DHX34: variants seen among roughly 807,000 people sequenced by gnomAD.
The protein encoded by DHX34 is probable ATP-dependent RNA helicase DHX34.
In DHX34, 96 loss-of-function variants were observed where a neutral mutation model predicts 111.1. That is an observed-to-expected ratio of 0.86 (90% confidence interval 0.73 to 1.02). The LOEUF (loss-of-function observed/expected upper bound fraction) is 1.02, where lower values mean the gene tolerates loss of function less well. Ranked by LOEUF, DHX34 falls within the 50% of genes least tolerant of loss-of-function variation. The probability of loss-of-function intolerance (pLI) is 0.00; values close to 1 mark genes in which losing one functional copy is unlikely to be tolerated. For missense variants in DHX34, 1,560 were observed against 1,579.9 expected, an observed-to-expected ratio of 0.99 and a Z score of 0.21; for synonymous variants, 688 against 670.4, an observed-to-expected ratio of 1.03 and a Z score of -0.41.
chr19:47,380,992 G>T lies in DHX34; in HGVS notation c.3159G>T (p.Thr1053=), dbSNP rs529752758. The T allele has an allele frequency of 3.2e-6, 5 of 1,570,808 alleles. No homozygotes were observed. In the East Asian group the frequency reaches 9.0e-5, roughly 28 times the overall value. The change falls in exon 15 of 17, where the codon ACG becomes ACT. Residue 1053 remains threonine, a splice_region_variant and synonymous_variant. Coordinates refer to ENST00000328771, the MANE Select transcript of DHX34 (RefSeq NM_014681.6). The part of the protein sequence containing the change: ...VTDFLTYNCL[T]NDTDLYSDCL... ...ACTTCCTCACCTACAACTGCCTCAC[G>T]GTAAGCATGAACCCTCCTTCCCTGA...
chr19:47,371,164 C>G (rs1048933505), intron 7 of DHX34, among the ~76,000 whole-genome samples: 1 of 151,802 alleles, frequency 6.6e-6, no homozygotes, highest in South Asian at 2.1e-4. Flanking sequence ...GAGGCTGGGC[C>G]CAGGAGGCTC....
chr19:47,352,886 G>C lies in DHX34; in HGVS notation c.-145G>C. 1 of 1,432,700 alleles carries C rather than the reference G, an allele frequency of 7.0e-7. No individual in the cohort carries two copies. Among genetic ancestry groups the C allele is most frequent in the East Asian group, 2.5e-5 (1 of 40,004 alleles). The allele number at this position is 1,432,700 out of a possible 1,614,324, so 88.7% of individuals were successfully genotyped here. ...TTATCATCTGTGGTGGTCCTGTGCC[G>C]TGACCAGGAGGAAAAATTAGCTCTT... On this transcript the variant is annotated 5_prime_UTR_variant, in exon 2 of 17. Transcript: ENST00000328771.
At position 47,367,107 on chromosome 19, in the gene DHX34, A is replaced by G. The variant is rs1327282011; in HGVS notation, c.1720A>G (p.Thr574Ala). 6.3e-6 allele frequency: 10 copies of G among 1,593,610 alleles called. No homozygotes were observed. Among genetic ancestry groups the G allele is most frequent in the Non-Finnish European group, 8.5e-6 (10 of 1,169,980 alleles). Residue 574 changes from threonine (T) to alanine (A), a missense_variant, in exon 7 of 17, where the codon ACA (threonine) becomes GCA (alanine). Coordinates refer to ENST00000328771, the MANE Select transcript of DHX34 (RefSeq NM_014681.6). ...QGALDSSEAL[T>A]PIGSLLAQLP... ...GGCCCTGGACAGCTCAGAGGCCCTC[A>G]CACCCATTGGGTCCCTGCTAGCCCA...
At chr19:47,373,110 G>A (rs1191626607) in intron 8 of DHX34, among the ~76,000 whole-genome samples, 187 bp downstream of exon 8, 1 of 152,254 alleles carries the variant, frequency 6.6e-6, no homozygotes, top group Non-Finnish European at 1.5e-5. Context: ...AGGACAGCAT[G>A]TGCCCAGGCC....
intron 7 of DHX34, among the ~76,000 whole-genome samples, chr19:47,372,325 G>A (rs1290721585): frequency 2.6e-5 from 4 of 152,150 alleles, no homozygotes; most frequent in South Asian, 4.2e-4. Flanking sequence ...ACACTCTAGC[G>A]CGGAGGAGAG....
intron 5 of DHX34, 122 bp from the exon 6 acceptor site, chr19:47,362,354 C>T: frequency 3.1e-6 from 4 of 1,300,366 alleles, no homozygotes; most frequent in Non-Finnish European, 2.9e-6. Context: ...AATAAGCCCT[C>T]AGTTAGCATT....
In DHX34 at chr19:47,372,598, A is replaced by C. The variant is rs2547383; in HGVS notation, c.1769-132A>C. On this transcript the variant is annotated intron_variant, in intron 7 of 16. Coordinates refer to ENST00000328771, the MANE Select transcript of DHX34 (RefSeq NM_014681.6). Reference sequence around the variant, plus strand: ...GGGTTTGAATCTCCATCTGGGTCACAAGACCCTTAGTGGGCAAGATGGAGG... The same window carrying C: ...GGGTTTGAATCTCCATCTGGGTCACCAGACCCTTAGTGGGCAAGATGGAGG... 3.7e-5 allele frequency: 53 copies of C among 1,418,418 alleles called. No individual in the cohort carries two copies. The African/African-American group carries it at 6.3e-4, about 17-fold the overall frequency. The allele number at this position is 1,418,418 out of a possible 1,614,324, so 87.9% of individuals were successfully genotyped here.
chr19:47,362,597 C>T lies in DHX34; in HGVS notation c.1497C>T (p.Val499=), dbSNP rs774034053. ...KGRAGRTGPG[V]CFRLYAESDY... ...GGGCGGGCCGCACGGGCCCCGGAGT[C>T]TGCTTCCGCCTCTATGCCGAATCGG... Residue 499 remains valine, a synonymous_variant, in exon 6 of 17, where the codon GTC becomes GTT. Transcript: ENST00000328771. 2.5e-6 allele frequency: 4 copies of T among 1,613,800 alleles called. No homozygotes were observed. The highest frequency in any genetic ancestry group is 2.5e-6 in the Non-Finnish European group (3 of 1,180,004).
At chr19:47,365,232 ATTT>A (rs796095545) in intron 6 of DHX34, among the ~76,000 whole-genome samples, 6 of 74,330 alleles carry the variant, frequency 8.1e-5, no homozygotes, top group South Asian at 6.2e-4. Context: ...TGTAAAGGTT[ATTT>A]ATTTATTTAT....
intron 7 of DHX34, among the ~76,000 whole-genome samples, chr19:47,370,531 A>G (rs1459120004): frequency 1.3e-5 from 2 of 152,156 alleles, no homozygotes; most frequent in African/African-American, 4.8e-5. Flanking sequence ...GAGGCCCACC[A>G]TGGCAGGACC....
chr19:47,372,640 G>A, intron 7 of DHX34, 90 bp from the exon 8 acceptor site: 1 of 1,282,400 alleles, frequency 7.8e-7, no homozygotes, highest in Non-Finnish European at 1.0e-6. Flanking sequence ...GAGCAGGAGG[G>A]CAGGCGGGAG....
chr19:47,360,656 G>A (rs961611594), intron 5 of DHX34, among the ~76,000 whole-genome samples: 1 of 151,602 alleles, frequency 6.6e-6, no homozygotes, highest in Non-Finnish European at 1.5e-5. Context: ...ATATGAGGGG[G>A]ATTGACATTC....
chr19:47,362,514 C>G lies in DHX34; in HGVS notation c.1414C>G (p.Leu472Val), dbSNP rs576592618. 4 of 1,604,006 alleles carry G rather than the reference C, an allele frequency of 2.5e-6. No individual in the cohort carries two copies. In the Admixed American group the frequency reaches 5.1e-5, roughly 20 times the overall value. ...GATGAGCTACGATCCGCAGGCCAAG[C>G]TGCAACGGCTGCAGGAGTTCTGGAT... The part of the protein sequence containing the change: ...KEMSYDPQAK[L>V]QRLQEFWISQ... The change falls in exon 6 of 17, where the codon CTG becomes GTG. Residue 472 changes from leucine (L) to valine (V), a missense_variant. Leu to Val is a conservative substitution (Grantham distance 32, BLOSUM62 1). Transcript: ENST00000328771.
Position 47,359,981 on chromosome 19 carries a change from C to T in DHX34, c.1286C>T (p.Ala429Val). Residue 429 changes from alanine to valine, a missense_variant, in exon 5 of 17, where the codon GCA becomes GTA. Transcript: ENST00000328771. ...VADQDKVFDV[A>V]PPGVRKCILS... Reference sequence around the variant, plus strand: ...CCTTCCTCCCAGGTATTTGATGTGGCACCCCCTGGAGTCCGGAAATGCATC... The same window carrying T: ...CCTTCCTCCCAGGTATTTGATGTGGTACCCCCTGGAGTCCGGAAATGCATC... 3.1e-6 allele frequency: 5 copies of T among 1,614,078 alleles called. No individual in the cohort carries two copies. Among genetic ancestry groups the T allele is most frequent in the Non-Finnish European group, 4.2e-6 (5 of 1,179,990 alleles).
Position 47,375,968 on chromosome 19 carries a change from C to T in DHX34, c.2352C>T (p.Ala784=), listed in dbSNP as rs375252066. ...GGCATGACCTGGCGCAGCTGCAGGCCGCTGCCAGCTCAGCCCAGGACCTGA... is the reference window on the plus strand; with the variant it reads ...GGCATGACCTGGCGCAGCTGCAGGCTGCTGCCAGCTCAGCCCAGGACCTGA... The part of the protein sequence containing the change: ...KLRHDLAQLQ[A]AASSAQDLSR... The change falls in exon 11 of 17, where the codon GCC becomes GCT. Residue 784 remains alanine (A), a synonymous_variant. Transcript: ENST00000328771. 3.4e-5 allele frequency: 54 copies of T among 1,603,588 alleles called. No individual in the cohort carries two copies. Among genetic ancestry groups the T allele is most frequent in the East Asian group, 4.5e-5 (2 of 44,714 alleles).
At chr19:47,373,835 G>A (rs934913130) in intron 9 of DHX34, 135 bp downstream of exon 9, 10 of 1,153,054 alleles carry the variant, frequency 8.7e-6, no homozygotes, top group Admixed American at 5.0e-5. Flanking sequence ...CCCACCACCC[G>A]GTGACCAGGT....
chr19:47,376,604 G>A (rs190723319), intron 12 of DHX34, 44 bp downstream of exon 12: 85 of 1,542,794 alleles, frequency 5.5e-5, no homozygotes, highest in Middle Eastern at 4.6e-4. Context: ...CGGGATGTGA[G>A]GGGCAGGGAT....
At chr19:47,377,331 G>A (rs1970200948) in intron 13 of DHX34, 125 bp downstream of exon 13, 2 of 983,148 alleles carry the variant, frequency 2.0e-6, no homozygotes. Flanking sequence ...GCAGGCGTCA[G>A]CCTTGGGCCG....
At chr19:47,351,659 T>C (rs1334275410) in intron 1 of DHX34, among the ~76,000 whole-genome samples, 1 of 152,158 alleles carries the variant, frequency 6.6e-6, no homozygotes, top group Non-Finnish European at 1.5e-5. Flanking sequence ...CTTGCCTGAT[T>C]ATGATGGATA....
Sources: allele counts gnomAD v4.1 joint callset (sites outside exome capture counted in the v4.1 genomes callset), GRCh38; gene constraint gnomAD v4.1.1; transcripts MANE v1.5; gene names NCBI Gene and HGNC (gene_info 2026-07-23, HGNC 2026-07-21).